The following DIAPH3 variants were observed in gnomAD, a reference collection of about 807,000 sequenced individuals.
The protein encoded by DIAPH3 is protein diaphanous homolog 3.
A neutral mutation model predicts 144.3 loss-of-function variants in DIAPH3; 117 were observed. The observed-to-expected ratio is 0.81, with a 90% CI of 0.70 to 0.95. The LOEUF is 0.95. Ranked by LOEUF, DIAPH3 falls within the 40% of genes least tolerant of loss-of-function variation. The pLI is 0.00. For synonymous variants in DIAPH3, 519 were observed against 488.9 expected (o/e 1.06, Z -0.81); for missense variants, 1,421 against 1,412.7 (o/e 1.01, Z -0.09).
chr13:59,909,438 G>A (rs930465806), intron 20 of DIAPH3, among the ~76,000 whole-genome samples: 1 of 151,238 alleles, frequency 6.6e-6, no homozygotes, highest in African/African-American at 2.4e-5. Context: ...AGTAGTAGCA[G>A]CCAGATTGGA....
At chr13:60,000,538 A>C (rs1048210992) in intron 9 of DIAPH3, among the ~76,000 whole-genome samples, 1 of 152,182 alleles carries the variant, frequency 6.6e-6, no homozygotes, top group Non-Finnish European at 1.5e-5. Context: ...ACAGAAGGAC[A>C]ACATAAACCC....
chr13:59,835,571 C>T (rs1314553274), intron 23 of DIAPH3, among the ~76,000 whole-genome samples: 3 of 151,618 alleles, frequency 2.0e-5, no homozygotes, highest in South Asian at 2.1e-4. Flanking sequence ...AAGAACAGCA[C>T]ATTTAATGCT....
At chr13:60,013,020 T>C in intron 7 of DIAPH3, 1 of 985,432 alleles carries the variant, frequency 1.0e-6, no homozygotes, top group Non-Finnish European at 1.2e-6. Context: ...CAAAAACTGT[T>C]GACTCTGTGT....
intron 21 of DIAPH3, among the ~76,000 whole-genome samples, chr13:59,873,197 TG>T (rs1380738124): frequency 6.6e-6 from 1 of 152,242 alleles, no homozygotes; most frequent in African/African-American, 2.4e-5. Flanking sequence ...TGCAAGTCTT[TG>T]GCCCATAACT....
chr13:59,704,162 T>C (rs945355579), intron 27 of DIAPH3, among the ~76,000 whole-genome samples: 1 of 152,240 alleles, frequency 6.6e-6, no homozygotes, highest in Non-Finnish European at 1.5e-5. Context: ...GTAAATCTTA[T>C]GAAGGGGAAA....
At chr13:59,868,769 G>A (rs1429198529) in intron 21 of DIAPH3, among the ~76,000 whole-genome samples, 1 of 151,934 alleles carries the variant, frequency 6.6e-6, no homozygotes, top group East Asian at 1.9e-4. Context: ...ATGTTTTATT[G>A]TCTCTAGACT....
chr13:59,861,127 T>C lies in DIAPH3; in HGVS notation c.2737+280A>G, dbSNP rs932210709. 4 of 994,098 alleles carry C rather than the reference T, an allele frequency of 4.0e-6. No homozygotes were observed. In the African/African-American group the frequency reaches 6.5e-5, roughly 16 times the overall value. 61.6% of individuals were successfully genotyped at this position (994,098 alleles called of 1,614,324 possible). On this transcript the variant is annotated intron_variant, in intron 22 of 27. Coordinates refer to ENST00000400324, the MANE Select transcript of DIAPH3 (RefSeq NM_001042517.2). ...ACCCTGGCCAAAAAGTGCAGGAGAT[T>C]TAGCAGTAGAAGGTAGGGCTAGCAG...
chr13:59,810,749 A>G lies in DIAPH3; in HGVS notation c.3163+39T>C, dbSNP rs547908811. On this transcript the variant is annotated intron_variant, in intron 25 of 27. Transcript: ENST00000400324. ...AATAAAGCAGCCCATATAAATCTTA[A>G]GTATACATAGAATAAATAACAAATT... The G allele has an allele frequency of 5.9e-5, 95 of 1,600,672 alleles. 2 individuals carry two copies. The South Asian group carries it at 1.1e-3, about 18-fold the overall frequency.
chr13:59,793,805 G>A (rs2039442096), intron 25 of DIAPH3, among the ~76,000 whole-genome samples: 1 of 152,164 alleles, frequency 6.6e-6, no homozygotes, highest in African/African-American at 2.4e-5. Flanking sequence ...AGACTAAGGG[G>A]TTTCCTGGAA....
intron 4 of DIAPH3, among the ~76,000 whole-genome samples, chr13:60,082,087 A>G (rs1407630034): frequency 1.3e-5 from 2 of 152,008 alleles, no homozygotes; most frequent in Admixed American, 1.3e-4. Flanking sequence ...TATATAAGAC[A>G]TGAAAAAAAT....
chr13:59,959,328 T>G (rs369124119), intron 17 of DIAPH3, among the ~76,000 whole-genome samples: 1 of 152,212 alleles, frequency 6.6e-6, no homozygotes, highest in Non-Finnish European at 1.5e-5. Flanking sequence ...ATAAGAAATT[T>G]TATGGCATAG....
At chr13:59,944,801 G>GGT (rs1566553110) in intron 17 of DIAPH3, among the ~76,000 whole-genome samples, 1 of 149,534 alleles carries the variant, frequency 6.7e-6, no homozygotes. Context: ...AAAAGGGGGG[G>GGT]GGCTATTATC....
At chr13:59,676,291 C>A (rs1001726357) in intron 27 of DIAPH3, among the ~76,000 whole-genome samples, 7 of 152,300 alleles carry the variant, frequency 4.6e-5, no homozygotes, top group Non-Finnish European at 8.8e-5. Context: ...ATATATTCTA[C>A]CTTTGGTCAG....
intron 27 of DIAPH3, among the ~76,000 whole-genome samples, chr13:59,732,597 C>G (rs887416231): frequency 6.6e-6 from 1 of 151,718 alleles, no homozygotes; most frequent in African/African-American, 2.4e-5. Flanking sequence ...GCACTCCAAC[C>G]CGGCCTGCTA....
At chr13:59,739,250 C>T (rs968095487) in intron 27 of DIAPH3, among the ~76,000 whole-genome samples, 2 of 152,198 alleles carry the variant, frequency 1.3e-5, no homozygotes, top group Non-Finnish European at 2.9e-5. Flanking sequence ...GTTTCATCTA[C>T]TGAATTGCAG....
intron 22 of DIAPH3, among the ~76,000 whole-genome samples, chr13:59,847,567 G>C (rs766317747): frequency 2.6e-5 from 4 of 152,188 alleles, no homozygotes; most frequent in Non-Finnish European, 5.9e-5. Flanking sequence ...CCTTAGATAA[G>C]ATGTTCAAAA....
At chr13:59,845,999 A>T (rs2042610003) in intron 22 of DIAPH3, among the ~76,000 whole-genome samples, 1 of 152,204 alleles carries the variant, frequency 6.6e-6, no homozygotes, top group Non-Finnish European at 1.5e-5. Flanking sequence ...AAAATATAAC[A>T]GATTAAATAT....
intron 17 of DIAPH3, among the ~76,000 whole-genome samples, chr13:59,967,127 C>T (rs1048853286): frequency 1.4e-4 from 21 of 152,144 alleles, no homozygotes; most frequent in Non-Finnish European, 2.1e-4. Context: ...AGTGCAGTGG[C>T]GTGATCCTGG....
chr13:59,903,629 G>T (rs1486494439), intron 20 of DIAPH3, among the ~76,000 whole-genome samples: 1 of 150,370 alleles, frequency 6.7e-6, no homozygotes, highest in South Asian at 2.1e-4. Flanking sequence ...AAAAAAAAGT[G>T]TGAATTATGC....
Sources: allele counts gnomAD v4.1 joint callset (sites outside exome capture counted in the v4.1 genomes callset), GRCh38; gene constraint gnomAD v4.1.1; transcripts MANE v1.5; gene names NCBI Gene and HGNC (gene_info 2026-07-23, HGNC 2026-07-21).